The following ZNF804B variants were observed in gnomAD, a reference collection of about 807,000 sequenced individuals.
The protein encoded by ZNF804B is zinc finger protein 804B.
A neutral mutation model predicts 101.4 loss-of-function variants in ZNF804B; 80 were observed. The ratio of observed to expected loss-of-function variants is 0.79; its 90% CI spans 0.66 to 0.95. The LOEUF is 0.95. Among genes scored for constraint, ZNF804B ranks in the 40% least tolerant of loss-of-function variants. ZNF804B has a pLI of 0.00. For synonymous variants in ZNF804B, 622 were observed against 558.8 expected (o/e 1.11, Z -1.59); for missense variants, 1,673 against 1,561.9 (o/e 1.07, Z -1.20).
At chr7:89,272,736 C>T (rs1347035507) in intron 2 of ZNF804B, among the ~76,000 whole-genome samples, 1 of 151,882 alleles carries the variant, frequency 6.6e-6, no homozygotes, top group Non-Finnish European at 1.5e-5. Context: ...CATCTTTTTC[C>T]CTCTTATAGA....
At chr7:88,778,607 C>T (rs918518954) in intron 1 of ZNF804B, among the ~76,000 whole-genome samples, 2 of 152,204 alleles carry the variant, frequency 1.3e-5, no homozygotes, top group Non-Finnish European at 2.9e-5. Flanking sequence ...ACATTGTCTT[C>T]ATCTAGCAGC....
At chr7:88,959,713 A>G (rs1192626670) in intron 1 of ZNF804B, among the ~76,000 whole-genome samples, 1 of 151,344 alleles carries the variant, frequency 6.6e-6, no homozygotes, top group African/African-American at 2.4e-5. Context: ...CTATTGACAC[A>G]AATTCATGAT....
chr7:89,228,079 C>T (rs1355644887), intron 2 of ZNF804B, among the ~76,000 whole-genome samples: 2 of 152,112 alleles, frequency 1.3e-5, no homozygotes, highest in African/African-American at 4.8e-5. Flanking sequence ...GTGAGTGTTA[C>T]AGCTCTTAAG....
chr7:89,066,919 G>A (rs1193430842), intron 1 of ZNF804B, among the ~76,000 whole-genome samples: 2 of 151,834 alleles, frequency 1.3e-5, no homozygotes, highest in South Asian at 2.1e-4. Context: ...TGTGATGTTT[G>A]TGGTATTTGT....
At chr7:89,031,563 G>A (rs1788835280) in intron 1 of ZNF804B, among the ~76,000 whole-genome samples, 2 of 151,784 alleles carry the variant, frequency 1.3e-5, no homozygotes, top group Non-Finnish European at 2.9e-5. Context: ...AGTGTAAATG[G>A]CAGCAAAAAC....
chr7:88,812,337 G>T (rs1308356405), intron 1 of ZNF804B, among the ~76,000 whole-genome samples: 2 of 152,100 alleles, frequency 1.3e-5, no homozygotes, highest in Non-Finnish European at 2.9e-5. Context: ...CCATTACGAT[G>T]GCTACTATCA....
At position 89,333,410 on chromosome 7, in the gene ZNF804B, A is replaced by G; in HGVS notation, c.428A>G (p.Glu143Gly). The stretch of plus-strand genomic sequence containing the variant: ...TACAAAGCCCCCAGGGTAGCCATAG[A>G]AAAGCAACTCCAGCAAGGAATTTTC... ...PAYKAPRVAI[E>G]KQLQQGIFPI... The change falls in exon 4 of 4, where the codon GAA (glutamate) becomes GGA (glycine). Residue 143 changes from glutamate (E) to glycine (G), a missense_variant. Physicochemically the swap from Glu to Gly is moderately conservative, Grantham distance 98. Coordinates refer to ENST00000333190, the MANE Select transcript of ZNF804B (RefSeq NM_181646.5). 3 of 1,612,530 alleles carry G rather than the reference A, an allele frequency of 1.9e-6. No homozygotes were observed. The highest frequency in any genetic ancestry group is 2.5e-6 in the Non-Finnish European group (3 of 1,179,232).
chr7:89,285,546 A>AAAGAAGAAGAAGAAG (rs774736524), intron 2 of ZNF804B, among the ~76,000 whole-genome samples: 34 of 93,448 alleles, frequency 3.6e-4, no homozygotes, highest in African/African-American at 1.7e-3. Context: ...AAAAAAAAAA[A>AAAGAAGAAGAAGAAG]AAGAAGAAGA....
At chr7:88,926,746 C>CA (rs1365452896) in intron 1 of ZNF804B, among the ~76,000 whole-genome samples, 1 of 152,062 alleles carries the variant, frequency 6.6e-6, no homozygotes, top group East Asian at 1.9e-4. Flanking sequence ...CATCTTTCCC[C>CA]ATACCCAACA....
intron 1 of ZNF804B, among the ~76,000 whole-genome samples, chr7:89,008,174 C>T (rs1788398285): frequency 6.6e-6 from 1 of 152,090 alleles, no homozygotes; most frequent in South Asian, 2.1e-4. Context: ...TTGCTGATTT[C>T]CAAATCTTAG....
At chr7:88,788,848 T>C (rs2115678101) in intron 1 of ZNF804B, among the ~76,000 whole-genome samples, 1 of 152,240 alleles carries the variant, frequency 6.6e-6, no homozygotes, top group Non-Finnish European at 1.5e-5. Context: ...ACAACACTAT[T>C]ATTCTCTTCA....
At chr7:89,126,259 G>A (rs1214375293) in intron 1 of ZNF804B, among the ~76,000 whole-genome samples, 1 of 151,792 alleles carries the variant, frequency 6.6e-6, no homozygotes, top group African/African-American at 2.4e-5. Flanking sequence ...GCTGTATACT[G>A]GGTTTTCCCA....
chr7:88,937,357 C>G (rs1025004735), intron 1 of ZNF804B, among the ~76,000 whole-genome samples: 6 of 152,046 alleles, frequency 3.9e-5, no homozygotes, highest in African/African-American at 1.4e-4. Flanking sequence ...ATTTAGGCCT[C>G]TACATCAAAT....
At chr7:89,284,001 A>G (rs1455553050) in intron 2 of ZNF804B, among the ~76,000 whole-genome samples, 2 of 152,226 alleles carry the variant, frequency 1.3e-5, no homozygotes, top group Admixed American at 6.5e-5. Context: ...TTTATCATTT[A>G]CTGCCATAAA....
intron 2 of ZNF804B, among the ~76,000 whole-genome samples, chr7:89,316,251 C>A (rs1183205493): frequency 1.3e-5 from 2 of 151,882 alleles, no homozygotes; most frequent in African/African-American, 4.8e-5. Flanking sequence ...ATACTTGAAC[C>A]CTAATAAAAT....
intron 1 of ZNF804B, among the ~76,000 whole-genome samples, chr7:89,191,716 C>G (rs1271317186): frequency 6.6e-6 from 1 of 151,736 alleles, no homozygotes; most frequent in Non-Finnish European, 1.5e-5. Flanking sequence ...CATTCATTAC[C>G]ACCACCATAA....
At chr7:88,966,057 C>G (rs1793448998) in intron 1 of ZNF804B, among the ~76,000 whole-genome samples, 1 of 151,384 alleles carries the variant, frequency 6.6e-6, no homozygotes, top group Admixed American at 6.6e-5. Context: ...ATTCATAAGT[C>G]AGTTCCAGAG....
chr7:89,330,849 A>C (rs948287055), intron 3 of ZNF804B, among the ~76,000 whole-genome samples: 1 of 151,304 alleles, frequency 6.6e-6, no homozygotes, highest in South Asian at 2.1e-4. Flanking sequence ...AAAATATTTA[A>C]AAGAATGTAA....
chr7:89,234,825 T>C (rs767172419), intron 2 of ZNF804B, among the ~76,000 whole-genome samples: 3 of 152,164 alleles, frequency 2.0e-5, no homozygotes, highest in Non-Finnish European at 4.4e-5. Flanking sequence ...GGAGATGCAC[T>C]GTTGTCTTTC....
Sources: gnomAD v4.1 joint callset for allele counts (sites outside exome capture counted in the v4.1 genomes callset) on GRCh38, gnomAD v4.1.1 for gene constraint, MANE v1.5 for transcripts, NCBI Gene and HGNC (gene_info 2026-07-23, HGNC 2026-07-21) for gene names.